ARB2A: variants seen among roughly 807,000 people sequenced by gnomAD.
The protein encoded by ARB2A is ARB2 cotranscriptional regulator A, also known as cotranscriptional regulator ARB2A.
At chr5:93,692,376 C>T in the ARB2A span, among the ~76,000 whole-genome samples, 2 of 151,330 alleles carry the variant, frequency 1.3e-5, no homozygotes, top group African/African-American at 4.8e-5. Flanking sequence ...AACAAGCAAA[C>T]AAAAAAGCAG....
chr5:93,816,675 A>G, the ARB2A span, among the ~76,000 whole-genome samples: 1 of 152,204 alleles, frequency 6.6e-6, no homozygotes, highest in African/African-American at 2.4e-5. Context: ...TTTATTCTAC[A>G]AAAAGATCCT....
At chr5:93,990,620 T>TG in the ARB2A span, among the ~76,000 whole-genome samples, 13 of 75,240 alleles carry the variant, frequency 1.7e-4, no homozygotes, top group Admixed American at 7.2e-4. Context: ...CTACCATGAG[T>TG]AAAAAAAAAA....
At chr5:93,962,241 A>G in the ARB2A span, among the ~76,000 whole-genome samples, 3 of 152,182 alleles carry the variant, frequency 2.0e-5, no homozygotes, top group Non-Finnish European at 4.4e-5. Flanking sequence ...GCAGTCACCA[A>G]TTCATTGTGG....
chr5:93,941,603 T>C, the ARB2A span, among the ~76,000 whole-genome samples: 16 of 152,310 alleles, frequency 1.1e-4, no homozygotes, highest in African/African-American at 3.6e-4. Context: ...AGTCACTTCT[T>C]AGGTAGCCAA....
chr5:93,676,056 A>G, the ARB2A span, among the ~76,000 whole-genome samples: 1 of 152,348 alleles, frequency 6.6e-6, no homozygotes, highest in South Asian at 2.1e-4. Context: ...CTCTGTACTG[A>G]TTAAACAGGA....
chr5:94,019,492 T>C, the ARB2A span, among the ~76,000 whole-genome samples: 2 of 152,086 alleles, frequency 1.3e-5, no homozygotes, highest in Non-Finnish European at 2.9e-5. Flanking sequence ...TGAACAGACA[T>C]TTCTCAAAAG....
the ARB2A span, among the ~76,000 whole-genome samples, chr5:93,883,471 T>C: frequency 6.6e-6 from 1 of 151,662 alleles, no homozygotes; most frequent in East Asian, 1.9e-4. Context: ...ATATTTTATT[T>C]GGTCCTGCTT....
chr5:94,033,588 C>A, the ARB2A span, among the ~76,000 whole-genome samples: 1 of 152,110 alleles, frequency 6.6e-6, no homozygotes, highest in Non-Finnish European at 1.5e-5. Flanking sequence ...CCATGCCTGG[C>A]TAATTTTTGT....
chr5:93,698,512 C>A, the ARB2A span, among the ~76,000 whole-genome samples: 5 of 151,960 alleles, frequency 3.3e-5, no homozygotes, highest in Non-Finnish European at 7.4e-5. Flanking sequence ...GGATAGGAAA[C>A]ACCGAGAAGG....
the ARB2A span, among the ~76,000 whole-genome samples, chr5:93,855,794 G>T: frequency 6.6e-6 from 1 of 152,038 alleles, no homozygotes; most frequent in Non-Finnish European, 1.5e-5. Flanking sequence ...GAAAGGACAT[G>T]CACACCAAGA....
the ARB2A span, among the ~76,000 whole-genome samples, chr5:93,931,426 T>C: frequency 1.3e-5 from 2 of 152,148 alleles, no homozygotes; most frequent in African/African-American, 2.4e-5. Flanking sequence ...ATTGCGCCAT[T>C]GTATTCCAGC....
chr5:93,697,373 T>G, the ARB2A span, among the ~76,000 whole-genome samples: 2 of 152,142 alleles, frequency 1.3e-5, no homozygotes, highest in Non-Finnish European at 2.9e-5. Context: ...TTCTTTAAAT[T>G]TTTTGTTTAA....
the ARB2A span, chr5:93,805,699 T>G: frequency 1.0e-6 from 1 of 985,184 alleles, no homozygotes; most frequent in Non-Finnish European, 1.2e-6. Context: ...TTTGACTAAA[T>G]TATATGTCAG....
the ARB2A span, among the ~76,000 whole-genome samples, chr5:93,711,194 T>C: frequency 7.3e-6 from 1 of 137,564 alleles, no homozygotes; most frequent in Non-Finnish European, 1.5e-5. Flanking sequence ...ACTGGTTCTA[T>C]TTTTTTTTTT....
chr5:93,835,410 T>C, the ARB2A span, among the ~76,000 whole-genome samples: 1 of 152,240 alleles, frequency 6.6e-6, no homozygotes, highest in African/African-American at 2.4e-5. Context: ...TTGACAGATT[T>C]TTCTTCAGCT....
chr5:94,011,883 TAA>T, the ARB2A span, among the ~76,000 whole-genome samples: 10 of 43,340 alleles, frequency 2.3e-4, no homozygotes, highest in East Asian at 5.7e-4. Context: ...CAGAGTGATT[TAA>T]AAAAAAAAAA....
the ARB2A span, among the ~76,000 whole-genome samples, chr5:93,883,192 G>A: frequency 4.0e-5 from 6 of 151,472 alleles, no homozygotes; most frequent in South Asian, 1.2e-3. Flanking sequence ...CAAGATCACT[G>A]AAGTTCTGAT....
At chr5:93,827,219 A>T in the ARB2A span, among the ~76,000 whole-genome samples, 66 of 152,282 alleles carry the variant, frequency 4.3e-4, 1 homozygote, top group South Asian at 0.013. Flanking sequence ...CCAACAGTGT[A>T]AAAGTGTTCC....
chr5:94,071,898 A>T, the ARB2A span, among the ~76,000 whole-genome samples: 2 of 152,210 alleles, frequency 1.3e-5, no homozygotes, highest in South Asian at 4.1e-4. Context: ...TTATGTTCAC[A>T]TAAAAACTTA....
Sources: gnomAD v4.1 joint callset for allele counts (sites outside exome capture counted in the v4.1 genomes callset) on GRCh38, gnomAD v4.1.1 for gene constraint, MANE v1.5 for transcripts, NCBI Gene and HGNC (gene_info 2026-07-23, HGNC 2026-07-21) for gene names.